Variants in ITGB5 observed in about 807,000 individuals in gnomAD.
The protein encoded by ITGB5 is integrin subunit beta 5.
In ITGB5, 38 loss-of-function variants were observed where a neutral mutation model predicts 84.8. The ratio of observed to expected loss-of-function variants is 0.45; its 90% confidence interval spans 0.35 to 0.59. The LOEUF is 0.59. Among genes scored for constraint, ITGB5 ranks in the 20% least tolerant of loss-of-function variants. The probability of loss-of-function intolerance (pLI) is 0.01; values close to 1 mark genes in which losing one functional copy is unlikely to be tolerated. For missense variants in ITGB5, 905 were observed against 1,034.5 expected (o/e 0.87, Z 1.72); for synonymous variants, 393 against 414.4 (o/e 0.95, Z 0.63).
At chr3:124,838,803 G>A (rs1335637633) in intron 5 of ITGB5, among the ~76,000 whole-genome samples, 1 of 151,976 alleles carries the variant, frequency 6.6e-6, no homozygotes. Context: ...GGGTTTCACC[G>A]CGTTAGCCAG....
rs756941442 is a variant in ITGB5, at chr3:124,898,487, C to CA, written c.-255+2778dup. ...TGAAACCCCATCTCTACCAAAAATACAAAAAAAATAGCCAGGCGTGGTGGC... is the reference window on the plus strand; with the variant it reads ...TGAAACCCCATCTCTACCAAAAATACAAAAAAAAATAGCCAGGCGTGGTGGC... On this transcript the variant is annotated intron_variant, in intron 1 of 4. Transcript: ENST00000608657. 3.2e-4 allele frequency among the ~76,000 whole-genome samples: 47 copies of CA among 148,568 alleles called. No homozygotes were observed. The East Asian group carries it at 7.4e-3, about 23-fold the overall frequency.
At chr3:124,870,836 G>T (rs1406546633) in intron 2 of ITGB5, among the ~76,000 whole-genome samples, 2 of 152,142 alleles carry the variant, frequency 1.3e-5, no homozygotes, top group East Asian at 1.9e-4. Context: ...TGGATAGACA[G>T]ATGGAGACAG....
chr3:124,887,276 G>A lies in ITGB5; in HGVS notation c.-276C>T, dbSNP rs1934870409. Reference sequence around the variant, plus strand: ...GGACGGCCCCAGCGGGCTGCTCCGGGTAGGGGAGGGGCTGGCTCCGCTCGG... The same window carrying A: ...GGACGGCCCCAGCGGGCTGCTCCGGATAGGGGAGGGGCTGGCTCCGCTCGG... On this transcript the variant is annotated 5_prime_UTR_variant, in exon 1 of 15. Transcript: ENST00000296181. 6.5e-6 allele frequency: 1 copy of A among 152,688 alleles called. No individual in the cohort carries two copies. The highest frequency in any genetic ancestry group is 6.5e-5 in the Admixed American group (1 of 15,286). 9.5% of individuals were successfully genotyped at this position (152,688 alleles called of 1,614,324 possible). A position where few individuals can be genotyped will look rare whatever the true frequency, so the allele number is the denominator to read the frequency against.
intron 8 of ITGB5, chr3:124,809,450 T>TG (rs2064463564): frequency 3.4e-6 from 1 of 291,268 alleles, no homozygotes; most frequent in African/African-American, 2.1e-5. Flanking sequence ...CCCCATCCCC[T>TG]GCTTGCTTCT....
chr3:124,799,777 C>A (rs534811778), intron 9 of ITGB5, among the ~76,000 whole-genome samples: 10 of 152,202 alleles, frequency 6.6e-5, no homozygotes, highest in Admixed American at 6.5e-4. Flanking sequence ...AGAGCAGGGC[C>A]CGCGCTCTCC....
chr3:124,768,975 A>T, intron 12 of ITGB5, 38 bp downstream of exon 12: 1 of 1,543,002 alleles, frequency 6.5e-7, no homozygotes, highest in Non-Finnish European at 8.9e-7. Context: ...CAGGAAGGAG[A>T]AAAACCGTGA....
intron 11 of ITGB5, among the ~76,000 whole-genome samples, chr3:124,772,477 T>C (rs1390665037): frequency 6.6e-6 from 1 of 152,156 alleles, no homozygotes; most frequent in African/African-American, 2.4e-5. Flanking sequence ...AGCCAGACAT[T>C]TGGAAGGGAA....
chr3:124,840,735 A>G lies in ITGB5; in HGVS notation c.780+648T>C, dbSNP rs940445943. ...GCTGGAGTGCAGTGGCACAATCTCC[A>G]CTCACTGCAACCTCCGCCTCCTGGT... is the stretch of plus-strand genomic sequence containing the variant. On this transcript the variant is annotated intron_variant, in intron 5 of 14. Coordinates refer to ENST00000296181, the MANE Select transcript of ITGB5 (RefSeq NM_002213.5). Among the ~76,000 whole-genome samples the G allele has an allele frequency of 2.0e-5, 3 of 150,376 alleles. No individual in the cohort carries two copies. The East Asian group carries it at 5.9e-4, about 30-fold the overall frequency.
intron 8 of ITGB5, among the ~76,000 whole-genome samples, chr3:124,814,420 G>C (rs2064553893): frequency 6.7e-6 from 1 of 149,994 alleles, no homozygotes. Context: ...CTTTAAATCA[G>C]TACAGTTTGC....
At position 124,789,400 on chromosome 3, in the gene ITGB5, G is replaced by C. The variant is rs1225785383; in HGVS notation, c.1693+6988C>G. Among the ~76,000 whole-genome samples, 764 of 150,892 alleles carry C rather than the reference G, an allele frequency of 5.1e-3. 10 individuals carry two copies. Among genetic ancestry groups the C allele is most frequent in the South Asian group, 0.029 (134 of 4,646 alleles). On this transcript the variant is annotated intron_variant, in intron 10 of 14. Coordinates refer to ENST00000296181, the MANE Select transcript of ITGB5 (RefSeq NM_002213.5). ...GGGTTAACAGAACCGCCTCTGACTAGACAGGGTTATCAGAACCGCCTCTGA... is the reference window on the plus strand; with the variant it reads ...GGGTTAACAGAACCGCCTCTGACTACACAGGGTTATCAGAACCGCCTCTGA...
intron 5 of ITGB5, among the ~76,000 whole-genome samples, chr3:124,833,610 T>C (rs1343277056): frequency 6.6e-6 from 1 of 152,208 alleles, no homozygotes; most frequent in African/African-American, 2.4e-5. Context: ...CATGAAGCAC[T>C]GTAAATTCCA....
At chr3:124,867,380 C>T (rs576427932) in intron 2 of ITGB5, among the ~76,000 whole-genome samples, 47 of 152,334 alleles carry the variant, frequency 3.1e-4, no homozygotes, top group South Asian at 1.4e-3. Flanking sequence ...CACCATTTCA[C>T]GGAGCCTCGT....
chr3:124,880,181 C>T (rs1292567329), intron 1 of ITGB5, among the ~76,000 whole-genome samples: 11 of 152,106 alleles, frequency 7.2e-5, no homozygotes, highest in Admixed American at 7.2e-4. Flanking sequence ...CTGTCACAGC[C>T]ATGGGAACCC....
chr3:124,766,079 A>G lies in ITGB5; in HGVS notation c.2137+147T>C, dbSNP rs976920216. 1.3e-5 allele frequency: 11 copies of G among 833,968 alleles called. No homozygotes were observed. The African/African-American group carries it at 1.6e-4, about 12-fold the overall frequency. 51.7% of individuals were successfully genotyped at this position (833,968 alleles called of 1,614,324 possible). On this transcript the variant is annotated intron_variant, in intron 13 of 14. Coordinates refer to ENST00000296181, the MANE Select transcript of ITGB5 (RefSeq NM_002213.5). ...TGTGTCAAAAAAAAAAAAAAAAAGAAAAAGAAGAAATTGTATCCCTCCTCT... is the reference window on the plus strand; with the variant it reads ...TGTGTCAAAAAAAAAAAAAAAAAGAGAAAGAAGAAATTGTATCCCTCCTCT...
intron 1 of ITGB5, among the ~76,000 whole-genome samples, chr3:124,896,916 CA>C (rs5852431): frequency 0.18 from 24,598 of 137,428 alleles, 2,063 homozygotes; most frequent in Middle Eastern, 0.21. Context: ...AAAGAAAAGC[CA>C]AAAAAAAAAA....
At chr3:124,881,841 G>A (rs1460542269) in intron 1 of ITGB5, among the ~76,000 whole-genome samples, 2 of 152,158 alleles carry the variant, frequency 1.3e-5, no homozygotes, top group Non-Finnish European at 2.9e-5. Context: ...GGTGGTGTAC[G>A]CCTGTAATCC....
chr3:124,818,488 T>G (rs1325323903), intron 7 of ITGB5, among the ~76,000 whole-genome samples: 1 of 151,084 alleles, frequency 6.6e-6, no homozygotes, highest in Non-Finnish European at 1.5e-5. Flanking sequence ...AAACGTTATT[T>G]GTAAGTGCAT....
At chr3:124,890,495 G>A (rs900577545), upstream of ITGB5, among the ~76,000 whole-genome samples, 8 of 152,072 alleles carry the variant, frequency 5.3e-5, no homozygotes, top group Admixed American at 2.6e-4. Context: ...CACCGCGCCC[G>A]GCCTTATCTA....
At chr3:124,765,702 ATTCATCT>A (rs57836124) in intron 13 of ITGB5, among the ~76,000 whole-genome samples, 25,027 of 152,004 alleles carry the variant, frequency 0.16, 2,225 homozygotes, top group Admixed American at 0.25. Context: ...CCAGCTGCAC[ATTCATCT>A]TTCTTCTAAA....
Sources: allele counts gnomAD v4.1 joint callset (sites outside exome capture counted in the v4.1 genomes callset), GRCh38; gene constraint gnomAD v4.1.1; transcripts MANE v1.5; gene names NCBI Gene and HGNC (gene_info 2026-07-23, HGNC 2026-07-21).